NCOA3: variants seen among roughly 807,000 people sequenced by gnomAD.
NCOA3 encodes the protein CBP-interacting protein.
In NCOA3, 51 loss-of-function variants were observed where a neutral mutation model predicts 158.8. The observed-to-expected ratio is 0.32, with a 90% CI of 0.26 to 0.41. The LOEUF is 0.41. NCOA3 is among the 10% of genes least tolerant of loss of function. NCOA3 has a pLI of 1.00. For synonymous variants in NCOA3, 537 were observed against 592.4 expected (o/e 0.91, Z 1.36); for missense variants, 1,510 against 1,746.6 (o/e 0.86, Z 2.41).
At chr20:47,528,303 T>C (rs2084489727) in intron 1 of NCOA3, among the ~76,000 whole-genome samples, 1 of 152,254 alleles carries the variant, frequency 6.6e-6, no homozygotes, top group African/African-American at 2.4e-5. Flanking sequence ...TACTTAACTA[T>C]GTTAAATACT....
In NCOA3 at chr20:47,602,972, A is replaced by G. The variant is rs568208733; in HGVS notation, c.-19-19257A>G. Among the ~76,000 whole-genome samples, 20 of 152,334 alleles carry G rather than the reference A, an allele frequency of 1.3e-4. No homozygotes were observed. The South Asian group carries it at 4.1e-3, about 32-fold the overall frequency. On this transcript the variant is annotated intron_variant, in intron 2 of 22. Coordinates refer to ENST00000371998, the MANE Select transcript of NCOA3 (RefSeq NM_181659.3). ...TTAGATTAAAAAAAATTGCAGAGCG[A>G]TAAGTTATGAACGTTAACATGATTT...
chr20:47,647,304 C>G lies in NCOA3; in HGVS notation c.3484C>G (p.Pro1162Ala). 1.2e-6 allele frequency: 2 copies of G among 1,614,188 alleles called. No homozygotes were observed. The highest frequency in any genetic ancestry group is 1.7e-6 in the Non-Finnish European group (2 of 1,180,032). The change falls in exon 18 of 23, where the codon CCC becomes GCC. Residue 1162 changes from proline (P) to alanine (A), a missense_variant. By Grantham distance (27) the Pro-to-Ala change is conservative. Coordinates refer to ENST00000371998, the MANE Select transcript of NCOA3 (RefSeq NM_181659.3). ...GMHPRANIMR[P>A]RTNTPKQLRM... The stretch of plus-strand genomic sequence containing the variant: ...GCACCCACGAGCCAACATCATGAGA[C>G]CCCGGACAAACACCCCCAAGCAACT...
intron 1 of NCOA3, among the ~76,000 whole-genome samples, chr20:47,529,492 A>G (rs1451306459): frequency 2.0e-5 from 3 of 152,174 alleles, no homozygotes; most frequent in African/African-American, 7.2e-5. Context: ...GGCTCACTGC[A>G]GCCTCCATCT....
intron 1 of NCOA3, among the ~76,000 whole-genome samples, chr20:47,558,641 T>C (rs906503104): frequency 1.4e-4 from 21 of 152,132 alleles, no homozygotes; most frequent in African/African-American, 4.6e-4. Flanking sequence ...GATTGTCTAA[T>C]GTCAGTCTCT....
At chr20:47,613,749 A>G (rs2086082388) in intron 2 of NCOA3, among the ~76,000 whole-genome samples, 1 of 151,896 alleles carries the variant, frequency 6.6e-6, no homozygotes, top group Non-Finnish European at 1.5e-5. Flanking sequence ...CGTCTCTACT[A>G]AAAATATAAA....
Position 47,636,415 on chromosome 20 carries a change from C to G in NCOA3, c.2029C>G (p.Leu677Val), listed in dbSNP as rs1214367669. ...VSSTSNMHGS[L>V]LQEKHRILHK... is the part of the protein sequence containing the mutation. ...CTCTACATCCAATATGCATGGGTCACTGTTACAAGAGAAGCACCGGATTTT... is the reference window on the plus strand; with the variant it reads ...CTCTACATCCAATATGCATGGGTCAGTGTTACAAGAGAAGCACCGGATTTT... Residue 677 changes from leucine to valine, a missense_variant, in exon 12 of 23, where the codon CTG becomes GTG. Leu to Val is a conservative substitution (Grantham distance 32, BLOSUM62 1). Transcript: ENST00000371998. 2 of 1,613,990 alleles carry G rather than the reference C, an allele frequency of 1.2e-6. No homozygotes were observed.
At chr20:47,543,865 T>C (rs1568669310) in intron 1 of NCOA3, among the ~76,000 whole-genome samples, 1 of 152,218 alleles carries the variant, frequency 6.6e-6, no homozygotes, top group Non-Finnish European at 1.5e-5. Flanking sequence ...ACAGTTTACA[T>C]AGGAAAGATG....
chr20:47,591,369 A>G (rs1414318945), intron 2 of NCOA3, among the ~76,000 whole-genome samples: 3 of 152,244 alleles, frequency 2.0e-5, no homozygotes, highest in African/African-American at 7.2e-5. Flanking sequence ...ATCAAGATTT[A>G]AAGGTACTTT....
chr20:47,527,171 A>G (rs1288723155), intron 1 of NCOA3, among the ~76,000 whole-genome samples: 2 of 152,112 alleles, frequency 1.3e-5, no homozygotes, highest in African/African-American at 4.8e-5. Context: ...TCCAGTCAGC[A>G]TACCTTTTTT....
In NCOA3 at chr20:47,633,582, T is replaced by G; in HGVS notation, c.910T>G (p.Phe304Val). The G allele has an allele frequency of 6.2e-7, 1 of 1,613,932 alleles. No homozygotes were observed. Among genetic ancestry groups the G allele is most frequent in the Non-Finnish European group, 8.5e-7 (1 of 1,179,854 alleles). The change falls in exon 9 of 23, where the codon TTT becomes GTT. Residue 304 changes from phenylalanine to valine, a missense_variant. This residue lies in a region of NCOA3 where 309 missense variants were observed against 427.1 expected (regional missense o/e 0.72). Transcript: ENST00000371998. ...TATAATCCGAAGGTGTATTCAGAGA[T>G]TTTTTAGTCTAAATGATGGGCAGTC... Reference protein sequence around the residue: ...EDIIRRCIQRFFSLNDGQSWS... With the variant: ...EDIIRRCIQRVFSLNDGQSWS...
intron 1 of NCOA3, among the ~76,000 whole-genome samples, chr20:47,515,147 C>CTA (rs937879680): frequency 5.0e-4 from 75 of 151,158 alleles, no homozygotes; most frequent in African/African-American, 1.4e-3. Context: ...CTTTTAATAG[C>CTA]TATATATATA....
intron 19 of NCOA3, among the ~76,000 whole-genome samples, chr20:47,650,760 G>A (rs6125061): frequency 2.0e-5 from 3 of 151,966 alleles, no homozygotes; most frequent in African/African-American, 7.2e-5. Context: ...CTACTTGGGA[G>A]GCTGAGGCAG....
chr20:47,505,213 C>G (rs950761807), intron 1 of NCOA3, among the ~76,000 whole-genome samples: 4 of 150,730 alleles, frequency 2.7e-5, no homozygotes, highest in African/African-American at 9.8e-5. Context: ...AGGTGCGCAC[C>G]ACCACGCCCG....
At position 47,634,044 on chromosome 20, in the gene NCOA3, A is replaced by G. The variant is rs1222630413; in HGVS notation, c.965-4A>G. The G allele has an allele frequency of 6.2e-7, 1 of 1,613,894 alleles. No individual in the cohort carries two copies. Among genetic ancestry groups the G allele is most frequent in the Admixed American group, 1.7e-5 (1 of 59,968 alleles). ...TACCAGTGATGGGATATTTTCCCCA[A>G]CAGCTTATCTTAATGGCCATGCAGA... On this transcript the variant is annotated splice_region_variant and splice_polypyrimidine_tract_variant and intron_variant, in intron 9 of 22. Transcript: ENST00000371998.
At chr20:47,623,834 G>A in intron 3 of NCOA3, 77 bp from the exon 4 acceptor site, 1 of 1,372,960 alleles carries the variant, frequency 7.3e-7, no homozygotes. Flanking sequence ...GTTGTATAGG[G>A]GCTGATTCTG....
intron 1 of NCOA3, among the ~76,000 whole-genome samples, chr20:47,573,113 C>T (rs1392172870): frequency 2.0e-5 from 3 of 152,050 alleles, no homozygotes; most frequent in Non-Finnish European, 4.4e-5. Context: ...GAACACTGAT[C>T]GCAGGCTGGG....
At chr20:47,519,623 G>T (rs73308138) in intron 1 of NCOA3, among the ~76,000 whole-genome samples, 2,854 of 151,566 alleles carry the variant, frequency 0.019, 87 homozygotes, top group African/African-American at 0.065. Flanking sequence ...ATTAAGAACT[G>T]AATATCAGGT....
intron 1 of NCOA3, among the ~76,000 whole-genome samples, chr20:47,522,920 G>A (rs1186227699): frequency 6.6e-6 from 1 of 151,636 alleles, no homozygotes; most frequent in Non-Finnish European, 1.5e-5. Flanking sequence ...GCCCGGCGCG[G>A]TGGCTCACCC....
At chr20:47,584,348 G>A (rs561146850) in intron 2 of NCOA3, among the ~76,000 whole-genome samples, 37 of 152,118 alleles carry the variant, frequency 2.4e-4, no homozygotes, top group African/African-American at 7.7e-4. Flanking sequence ...GGCCGGATGC[G>A]GTGGCGCATG....
Sources: gnomAD v4.1 joint callset for allele counts (sites outside exome capture counted in the v4.1 genomes callset) on GRCh38, gnomAD v4.1.1 for gene constraint, gnomAD v4.1.1 regional missense constraint, MANE v1.5 for transcripts, NCBI Gene and HGNC (gene_info 2026-07-23, HGNC 2026-07-21) for gene names.